The following TFEC variants were observed in gnomAD, a reference collection of about 807,000 sequenced individuals.
TFEC encodes the protein class E basic helix-loop-helix protein 34.
Under a neutral mutation model 41.6 loss-of-function variants are expected in TFEC, and 31 were observed. The observed-to-expected ratio is 0.74, with a 90% CI of 0.56 to 1.01. The LOEUF is 1.01. Among genes scored for constraint, TFEC ranks in the 50% least tolerant of loss-of-function variants. TFEC has a pLI of 0.00. For missense variants in TFEC, 402 were observed against 404.1 expected, an observed-to-expected ratio of 0.99 and a Z score of 0.04; for synonymous variants, 143 against 140.6, an observed-to-expected ratio of 1.02 and a Z score of -0.12.
At position 115,940,464 on chromosome 7, in the gene TFEC, C is replaced by T. The variant is rs1258947454; in HGVS notation, c.*87G>A. On this transcript the variant is annotated 3_prime_UTR_variant, in exon 8 of 8. Transcript: ENST00000265440. ...ACATTCCTTTAAGAAAAAAAATAAG[C>T]CAAAGCAACATATGAAACACAGAGC... 1 of 1,412,518 alleles carries T rather than the reference C, an allele frequency of 7.1e-7. No individual in the cohort carries two copies. The highest frequency in any genetic ancestry group is 9.4e-7 in the Non-Finnish European group (1 of 1,060,634). 87.5% of individuals were successfully genotyped at this position (1,412,518 alleles called of 1,614,324 possible). A position where few individuals can be genotyped will look rare whatever the true frequency, so the allele number is the denominator to read the frequency against.
In TFEC at chr7:116,023,206, T is replaced by C. The variant is rs145061474; in HGVS notation, c.-73+7427A>G. ...AAGAACTAGAATGATTCAATACTTA[T>C]CTATCACATCCAGAAACCAATCTTA... is the stretch of plus-strand genomic sequence containing the variant. On this transcript the variant is annotated intron_variant, in intron 1 of 7. Coordinates refer to ENST00000265440, the MANE Select transcript of TFEC (RefSeq NM_012252.4). Among the ~76,000 whole-genome samples, 42 of 152,294 alleles carry C rather than the reference T, an allele frequency of 2.8e-4. No homozygotes were observed. In the East Asian group the frequency reaches 7.7e-3, roughly 28 times the overall value.
chr7:116,097,763 T>A (rs1166075851), intron 3 of TFEC, among the ~76,000 whole-genome samples: 1 of 152,162 alleles, frequency 6.6e-6, no homozygotes, highest in Non-Finnish European at 1.5e-5. Context: ...CAAACAAAAC[T>A]GTGAATAAAG....
intron 1 of TFEC, among the ~76,000 whole-genome samples, chr7:116,001,482 G>A (rs1460995372): frequency 1.3e-5 from 2 of 150,160 alleles, no homozygotes; most frequent in East Asian, 1.9e-4. Context: ...GCGACAGAGC[G>A]AGACTCAGTC....
intron 2 of TFEC, among the ~76,000 whole-genome samples, chr7:115,980,865 A>G (rs1463034917): frequency 2.6e-5 from 4 of 152,132 alleles, no homozygotes; most frequent in Non-Finnish European, 4.4e-5. Context: ...TGACATAAAG[A>G]CTAAATGAAT....
At chr7:116,122,171 A>T (rs1267362117) in intron 1 of TFEC, among the ~76,000 whole-genome samples, 1 of 151,902 alleles carries the variant, frequency 6.6e-6, no homozygotes, top group East Asian at 1.9e-4. Context: ...GATAGATAAG[A>T]CCCCTGTTTG....
chr7:115,954,555 A>C, intron 5 of TFEC, 31 bp downstream of exon 5: 1 of 1,586,708 alleles, frequency 6.3e-7, no homozygotes, highest in Non-Finnish European at 8.6e-7. Flanking sequence ...TTCCTTTTGC[A>C]TTAATTTTAT....
intron 1 of TFEC, among the ~76,000 whole-genome samples, chr7:116,148,234 T>C (rs1465011656): frequency 1.3e-5 from 2 of 152,126 alleles, no homozygotes; most frequent in Non-Finnish European, 2.9e-5. Flanking sequence ...TTTAAGGACT[T>C]TGGCTTTTAC....
chr7:116,147,037 C>G (rs964824574), intron 1 of TFEC, among the ~76,000 whole-genome samples: 8 of 152,020 alleles, frequency 5.3e-5, no homozygotes, highest in African/African-American at 1.9e-4. Flanking sequence ...CGAGACATAT[C>G]TGGATAAGTT....
At chr7:116,012,138 G>C (rs1795024537) in intron 1 of TFEC, among the ~76,000 whole-genome samples, 1 of 152,078 alleles carries the variant, frequency 6.6e-6, no homozygotes. Flanking sequence ...CAATTCAATA[G>C]TTTCCTGTAA....
upstream of TFEC, among the ~76,000 whole-genome samples, chr7:116,033,351 C>G (rs1294878655): frequency 6.6e-6 from 1 of 152,112 alleles, no homozygotes; most frequent in Non-Finnish European, 1.5e-5. Flanking sequence ...TACTTCACTT[C>G]TCTTTGCCTC....
chr7:116,083,737 T>C (rs866658632), intron 3 of TFEC, among the ~76,000 whole-genome samples: 2 of 151,936 alleles, frequency 1.3e-5, no homozygotes, highest in East Asian at 1.9e-4. Flanking sequence ...TAAGGCTTTT[T>C]CAAGATTCTA....
At chr7:116,042,524 CACGATTAA>C (rs1562948386) in intron 3 of TFEC, among the ~76,000 whole-genome samples, 1 of 152,168 alleles carries the variant, frequency 6.6e-6, no homozygotes, top group Admixed American at 6.5e-5. Context: ...AATTTGAATT[CACGATTAA>C]TTTGTTAATA....
chr7:115,986,116 T>G (rs1793843786), intron 1 of TFEC, among the ~76,000 whole-genome samples: 1 of 152,184 alleles, frequency 6.6e-6, no homozygotes, highest in Non-Finnish European at 1.5e-5. Context: ...TTGTGTTATA[T>G]CAAGAATACA....
intron 3 of TFEC, among the ~76,000 whole-genome samples, chr7:116,041,583 C>A (rs1218718968): frequency 6.6e-6 from 1 of 152,164 alleles, no homozygotes. Flanking sequence ...TTAGCAGTGA[C>A]CACACTGGTA....
chr7:116,071,289 T>G (rs1462680158), intron 3 of TFEC, among the ~76,000 whole-genome samples: 3 of 150,972 alleles, frequency 2.0e-5, no homozygotes, highest in Non-Finnish European at 3.0e-5. Context: ...ATATTCCATG[T>G]ATCAAATGAA....
At chr7:116,073,712 G>C (rs1009205807) in intron 3 of TFEC, among the ~76,000 whole-genome samples, 9 of 151,906 alleles carry the variant, frequency 5.9e-5, no homozygotes, top group Admixed American at 1.3e-4. Context: ...AACTGAGTTG[G>C]AAAACTTACA....
At chr7:115,944,328 A>C (rs2130242111) in intron 6 of TFEC, among the ~76,000 whole-genome samples, 1 of 151,654 alleles carries the variant, frequency 6.6e-6, no homozygotes, top group South Asian at 2.2e-4. Context: ...TAAAGAGGAC[A>C]ACTACTACAT....
In TFEC at chr7:116,138,972, C is replaced by A. The variant is rs1013759732; in HGVS notation, c.-69+20818G>T. On this transcript the variant is annotated intron_variant, in intron 1 of 8. Transcript: ENST00000484212. ...GGATGTTCAATTAGAACTAAGCTTG[C>A]AAAATGCTGTCTTTTTTCCCCAAAA... 4.6e-5 allele frequency among the ~76,000 whole-genome samples: 7 copies of A among 152,160 alleles called. No homozygotes were observed. The East Asian group carries it at 1.4e-3, about 29-fold the overall frequency.
chr7:116,011,954 C>T (rs926226845), intron 1 of TFEC, among the ~76,000 whole-genome samples: 5 of 152,194 alleles, frequency 3.3e-5, no homozygotes, highest in African/African-American at 9.7e-5. Context: ...CAGGTGCTGG[C>T]ACTATGCTTC....
Sources: gnomAD v4.1 joint callset for allele counts (sites outside exome capture counted in the v4.1 genomes callset) on GRCh38, gnomAD v4.1.1 for gene constraint, MANE v1.5 for transcripts, NCBI Gene and HGNC (gene_info 2026-07-23, HGNC 2026-07-21) for gene names.